Variants in SYNE1 observed in about 807,000 individuals in gnomAD.
SYNE1 encodes the protein spectrin repeat containing nuclear envelope protein 1.
SYNE1 carries 616 observed loss-of-function variants against 1,111.0 expected under a neutral mutation model. The ratio of observed to expected loss-of-function variants is 0.55; its 90% CI spans 0.52 to 0.59. The LOEUF (loss-of-function observed/expected upper bound fraction) is 0.59, where lower values mean the gene tolerates loss of function less well. SYNE1 is among the 20% of genes least tolerant of loss of function. The pLI, the probability that SYNE1 is intolerant of heterozygous loss-of-function variation, is 0.00. For missense variants in SYNE1, 10,006 were observed against 10,417.0 expected (o/e 0.96, Z 1.72); for synonymous variants, 3,855 against 3,825.8 (o/e 1.01, Z -0.28).
At chr6:152,183,187 G>GA (rs2068626125) in intron 128 of SYNE1, among the ~76,000 whole-genome samples, 1 of 152,168 alleles carries the variant, frequency 6.6e-6, no homozygotes, top group Non-Finnish European at 1.5e-5. Context: ...AGAACTCTCT[G>GA]GTGAATACGG....
At chr6:152,362,480 C>A (rs751727784) in intron 63 of SYNE1, among the ~76,000 whole-genome samples, 157 bp from the exon 64 acceptor site, 2 of 152,172 alleles carry the variant, frequency 1.3e-5, no homozygotes, top group African/African-American at 2.4e-5. Flanking sequence ...CTTAAGGACA[C>A]TGAGTCCAGG....
intron 4 of SYNE1, among the ~76,000 whole-genome samples, chr6:152,536,455 T>A (rs916694166): frequency 1.6e-5 from 2 of 123,226 alleles, no homozygotes; most frequent in African/African-American, 2.8e-5. Flanking sequence ...TAATATATAT[T>A]TATATATATA....
chr6:152,424,905 A>G (rs1420384829), intron 39 of SYNE1, among the ~76,000 whole-genome samples: 3 of 152,240 alleles, frequency 2.0e-5, no homozygotes, highest in Non-Finnish European at 4.4e-5. Flanking sequence ...ATAGATGCCA[A>G]TTGTTAATCA....
Position 152,234,680 on chromosome 6 carries a change from T to C in SYNE1, c.20517A>G (p.Leu6839=), listed in dbSNP as rs1428729266. The C allele has an allele frequency of 1.2e-6, 2 of 1,614,104 alleles. No homozygotes were observed. The highest frequency in any genetic ancestry group is 1.7e-6 in the Non-Finnish European group (2 of 1,180,048). Residue 6839 remains leucine, a synonymous_variant, in exon 111 of 146, where the codon CTA becomes CTG. Transcript: ENST00000367255. ...PQELEMVRDH[L]NAFLEFSKEV... ...TTCTTAGACTTACCAGGAAAGCATTTAGATGATCACGGACCATTTCCAGCT... is the reference window on the plus strand; with the variant it reads ...TTCTTAGACTTACCAGGAAAGCATTCAGATGATCACGGACCATTTCCAGCT...
At position 152,132,175 on chromosome 6, in the gene SYNE1, A is replaced by G; in HGVS notation, c.26041T>C (p.Ser8681Pro). 6.2e-7 allele frequency: 1 copy of G among 1,614,134 alleles called. No homozygotes were observed. Among genetic ancestry groups the G allele is most frequent in the Non-Finnish European group, 8.5e-7 (1 of 1,180,012 alleles). The change falls in exon 144 of 146, where the codon TCA (serine) becomes CCA (proline). Residue 8681 changes from serine to proline, a missense_variant. Ser to Pro is a moderately conservative substitution (Grantham distance 74). Around this residue, in one of 7 missense-constraint regions of SYNE1, gnomAD observed 761 missense variants for 795.5 expected, o/e 0.96. Transcript: ENST00000367255. The part of the protein sequence containing the change: ...SWSSADELDT[S>P]GSVSPTSGRS... ...CCTGATGTGGGACTCACAGACCCTG[A>G]GGTGTCCAGTTCATCAGCAGAAGAC...
At chr6:152,189,023 T>G in intron 128 of SYNE1, among the ~76,000 whole-genome samples, 1 of 72,976 alleles carries the variant, frequency 1.4e-5, no homozygotes, top group African/African-American at 4.5e-5. Context: ...ATATATAAAA[T>G]GCCAGCCAGC....
chr6:152,448,304 C>T (rs75977585), intron 28 of SYNE1, among the ~76,000 whole-genome samples: 2,646 of 152,250 alleles, frequency 0.017, 89 homozygotes, highest in African/African-American at 0.061. Context: ...CCTGTCCTCC[C>T]TACAGCAGTT....
chr6:152,484,058 A>AAAAAT (rs2098926016), intron 13 of SYNE1, among the ~76,000 whole-genome samples: 2 of 150,648 alleles, frequency 1.3e-5, no homozygotes, highest in Admixed American at 6.6e-5. Context: ...AAAAAAAAAA[A>AAAAAT]AAAATTAGCC....
rs755058844 is a variant in SYNE1, at chr6:152,339,266, T to C, written c.12326A>G (p.Lys4109Arg). 5 of 1,613,998 alleles carry C rather than the reference T, an allele frequency of 3.1e-6. No homozygotes were observed. Among genetic ancestry groups the C allele is most frequent in the Non-Finnish European group, 4.2e-6 (5 of 1,179,864 alleles). ...LSNASVKTTA[K>R]DIQQTEQTIE... ...CGTTTGCTCTGTTTGTTGAATGTCT[T>C]TTGCTGTGGTTTTCACCGAAGCATT... Residue 4109 changes from lysine (K) to arginine (R), a missense_variant, in exon 75 of 146, where the codon AAA becomes AGA. By Grantham distance (26) the Lys-to-Arg change is conservative. This residue lies in a region of SYNE1 where 4,955 missense variants were observed against 5,017.2 expected (regional missense o/e 0.99). Coordinates refer to ENST00000367255, the MANE Select transcript of SYNE1 (RefSeq NM_182961.4).
intron 104 of SYNE1, among the ~76,000 whole-genome samples, chr6:152,253,814 T>TG (rs2090020433): frequency 1.4e-4 from 5 of 35,748 alleles, no homozygotes; most frequent in African/African-American, 8.9e-4. Context: ...TGTGTAGTGG[T>TG]TTGGTTTTTT....
intron 3 of SYNE1, among the ~76,000 whole-genome samples, chr6:152,619,838 G>A (rs1312158529): frequency 6.6e-6 from 1 of 152,084 alleles, no homozygotes; most frequent in Non-Finnish European, 1.5e-5. Flanking sequence ...CTGATTGAGG[G>A]AGGGCCTGAA....
intron 14 of SYNE1, among the ~76,000 whole-genome samples, chr6:152,482,100 T>C (rs997057781): frequency 6.6e-6 from 1 of 152,086 alleles, no homozygotes; most frequent in Non-Finnish European, 1.5e-5. Flanking sequence ...CTGCAGATCA[T>C]CAAATCTTGC....
At chr6:152,472,166 A>G in intron 15 of SYNE1, 135 bp downstream of exon 15, 1 of 725,910 alleles carries the variant, frequency 1.4e-6, no homozygotes, top group South Asian at 1.7e-5. Flanking sequence ...AGCATGTCTT[A>G]TGGGAGCCCG....
intron 67 of SYNE1, among the ~76,000 whole-genome samples, chr6:152,354,348 C>A (rs1024679813): frequency 1.9e-4 from 29 of 152,132 alleles, no homozygotes; most frequent in Non-Finnish European, 3.8e-4. Context: ...TATATTGGAG[C>A]AATTTCATAT....
chr6:152,628,375 T>C lies in SYNE1; in HGVS notation c.-44A>G, dbSNP rs370752715. 4 of 1,592,978 alleles carry C rather than the reference T, an allele frequency of 2.5e-6. No homozygotes were observed. In the African/African-American group the frequency reaches 4.0e-5, roughly 16 times the overall value. On this transcript the variant is annotated 5_prime_UTR_variant, in exon 3 of 146. Transcript: ENST00000367255. ...AAGCCAACACCAAGAGACTCTTCAC[T>C]GGAGGCAGCACAGGGCTACACCACT...
At chr6:152,381,540 C>G in intron 55 of SYNE1, 178 bp from the exon 56 acceptor site, 1 of 694,212 alleles carries the variant, frequency 1.4e-6, no homozygotes, top group Non-Finnish European at 2.5e-6. Context: ...GTTGTCATCA[C>G]GAGTGCCTAA....
chr6:152,247,750 T>TATATAC (rs1432898834), intron 105 of SYNE1, among the ~76,000 whole-genome samples: 488 of 112,328 alleles, frequency 4.3e-3, no homozygotes, highest in African/African-American at 0.01. Context: ...TATATATATA[T>TATATAC]ACACACACAC....
chr6:152,395,015 T>G (rs1404199823), intron 51 of SYNE1, among the ~76,000 whole-genome samples: 1 of 152,038 alleles, frequency 6.6e-6, no homozygotes, highest in African/African-American at 2.4e-5. Context: ...ACTTCTGACC[T>G]CAGGTGATCT....
chr6:152,335,215 C>T (rs1414282647), intron 76 of SYNE1: 1 of 152,146 alleles, frequency 6.6e-6, no homozygotes, highest in Admixed American at 6.5e-5. Context: ...AATCCCCTGA[C>T]TGATATATGA....
Sources: allele counts gnomAD v4.1 joint callset (sites outside exome capture counted in the v4.1 genomes callset), GRCh38; gene constraint gnomAD v4.1.1; regional missense constraint gnomAD v4.1.1; transcripts MANE v1.5; gene names NCBI Gene and HGNC (gene_info 2026-07-23, HGNC 2026-07-21).